MEP1B: variants seen among roughly 807,000 people sequenced by gnomAD.
MEP1B encodes meprin A subunit beta.
A neutral mutation model predicts 84.6 loss-of-function variants in MEP1B; 80 were observed. The ratio of observed to expected loss-of-function variants is 0.95; its 90% CI spans 0.79 to 1.14. MEP1B has a LOEUF of 1.14. Among genes scored for constraint, MEP1B ranks in the 50% most tolerant of loss-of-function variants. The pLI, the probability that MEP1B is intolerant of heterozygous loss-of-function variation, is 0.00. For synonymous variants in MEP1B, 273 were observed against 288.1 expected, an observed-to-expected ratio of 0.95 and a Z score of 0.53; for missense variants, 766 against 855.1, an observed-to-expected ratio of 0.90 and a Z score of 1.30.
Position 32,220,266 on chromosome 18 carries a change from C to G in MEP1B, c.*21C>G, listed in dbSNP as rs956525574. ...TTTGAAGATTAACTCGACAATATGG[C>G]CAGCTAATGAAATTAAAAAGGATTC... is the stretch of plus-strand genomic sequence containing the variant. On this transcript the variant is annotated 3_prime_UTR_variant, in exon 15 of 15. Coordinates refer to ENST00000269202, the MANE Select transcript of MEP1B (RefSeq NM_005925.3). The G allele has an allele frequency of 1.9e-6, 3 of 1,605,160 alleles. No homozygotes were observed. The African/African-American group carries it at 4.0e-5, about 21-fold the overall frequency.
At chr18:32,192,343 CT>C (rs1279008152) in intron 2 of MEP1B, among the ~76,000 whole-genome samples, 4 of 152,076 alleles carry the variant, frequency 2.6e-5, no homozygotes, top group Non-Finnish European at 5.9e-5. Flanking sequence ...TTAATCTAGT[CT>C]TCTAGTCTTT....
chr18:32,203,955 G>T (rs2144400946), intron 6 of MEP1B, among the ~76,000 whole-genome samples: 1 of 152,242 alleles, frequency 6.6e-6, no homozygotes, highest in South Asian at 2.1e-4. Context: ...TACCTCCCAT[G>T]AGGTCCCACC....
rs144892316 is a variant in MEP1B, at chr18:32,212,998, A to T, written c.1136-118A>T. ...GAGCTTTGGCAAAACCATACTTCTG[A>T]CCTGTAGAAATAAATCGGTTTTGGA... is the stretch of plus-strand genomic sequence containing the variant. On this transcript the variant is annotated intron_variant, in intron 10 of 14. Transcript: ENST00000269202. 118 of 899,264 alleles carry T rather than the reference A, an allele frequency of 1.3e-4. 1 individual carries two copies. In the East Asian group the frequency reaches 2.9e-3, roughly 22 times the overall value. The allele number at this position is 899,264 out of a possible 1,614,324, so 55.7% of individuals were successfully genotyped here.
chr18:32,199,433 G>T (rs1271711963), intron 5 of MEP1B, among the ~76,000 whole-genome samples: 1 of 152,026 alleles, frequency 6.6e-6, no homozygotes, highest in Non-Finnish European at 1.5e-5. Flanking sequence ...AGGGGGAATT[G>T]GCCAGAAACA....
chr18:32,212,024 T>C (rs9960121), intron 10 of MEP1B, among the ~76,000 whole-genome samples: 4,701 of 148,296 alleles, frequency 0.032, 225 homozygotes, highest in African/African-American at 0.11. Flanking sequence ...GTAAAATATA[T>C]AAAGAATAAT....
chr18:32,198,575 A>T (rs971792531), intron 5 of MEP1B, among the ~76,000 whole-genome samples: 7 of 152,196 alleles, frequency 4.6e-5, no homozygotes, highest in Non-Finnish European at 7.3e-5. Context: ...AGCCAGATGC[A>T]TCACGATCTG....
intron 9 of MEP1B, among the ~76,000 whole-genome samples, chr18:32,209,438 G>C (rs2041000067): frequency 6.7e-6 from 1 of 148,356 alleles, no homozygotes; most frequent in South Asian, 2.1e-4. Flanking sequence ...AGTGAGCTGA[G>C]ATCATACCAT....
Position 32,213,139 on chromosome 18 carries a change from C to A in MEP1B, c.1159C>A (p.Leu387Ile), listed in dbSNP as rs757809380. 25 of 1,613,550 alleles carry A rather than the reference C, an allele frequency of 1.5e-5. No individual in the cohort carries two copies. Among genetic ancestry groups the A allele is most frequent in the Middle Eastern group, 1.6e-4 (1 of 6,084 alleles). ...AGAAATACCCACTGGGAGCTGGCAA[C>A]TTTATCATGTAACATTGAAAGTGAC... Reference protein sequence around the residue: ...IKEIPTGSWQLYHVTLKVTKK... With the variant: ...IKEIPTGSWQIYHVTLKVTKK... Residue 387 changes from leucine (L) to isoleucine (I), a missense_variant, in exon 11 of 15, where the codon CTT becomes ATT. Physicochemically the swap from Leu to Ile is conservative, Grantham distance 5. Transcript: ENST00000269202.
Position 32,213,361 on chromosome 18 carries a change from T to G in MEP1B, c.1381T>G (p.Phe461Val). The G allele has an allele frequency of 6.2e-7, 1 of 1,613,922 alleles. No homozygotes were observed. The highest frequency in any genetic ancestry group is 8.5e-7 in the Non-Finnish European group (1 of 1,179,832). ...PPFYSSKGYAFQIYLNLAHVT... is the reference protein window; with the variant it reads ...PPFYSSKGYAVQIYLNLAHVT... ...ATTTTACTCTTCTAAAGGTTATGCCTTTCAGATTTACTTAAATCTAGCCCA... is the reference window on the plus strand; with the variant it reads ...ATTTTACTCTTCTAAAGGTTATGCCGTTCAGATTTACTTAAATCTAGCCCA... Residue 461 changes from phenylalanine (F) to valine (V), a missense_variant, in exon 11 of 15, where the codon TTT becomes GTT. By Grantham distance (50) the Phe-to-Val change is conservative. Coordinates refer to ENST00000269202, the MANE Select transcript of MEP1B (RefSeq NM_005925.3).
intron 9 of MEP1B, 69 bp downstream of exon 9, chr18:32,208,340 A>G (rs1157102352): frequency 1.6e-5 from 22 of 1,373,302 alleles, no homozygotes; most frequent in Non-Finnish European, 1.8e-5. Context: ...CTATGAAAGA[A>G]TGGGATTTTA....
intron 9 of MEP1B, among the ~76,000 whole-genome samples, chr18:32,210,109 C>G (rs1269654539): frequency 6.6e-6 from 1 of 152,200 alleles, no homozygotes; most frequent in Non-Finnish European, 1.5e-5. Flanking sequence ...TGAAAGGTGT[C>G]CCATGTAGAA....
chr18:32,199,622 T>C (rs947277397), intron 5 of MEP1B, among the ~76,000 whole-genome samples: 1 of 152,000 alleles, frequency 6.6e-6, no homozygotes, highest in Non-Finnish European at 1.5e-5. Flanking sequence ...GATTAAAAAA[T>C]TTTTAAGTTC....
chr18:32,190,176 C>T, intron 1 of MEP1B, 43 bp downstream of exon 1: 1 of 1,406,330 alleles, frequency 7.1e-7, no homozygotes. Context: ...AATTTTGGGG[C>T]AGTTGATATT....
In MEP1B at chr18:32,196,363, G is replaced by T. The variant is rs761526642; in HGVS notation, c.250+878G>T. 9.4e-5 allele frequency: 66 copies of T among 701,286 alleles called. No homozygotes were observed. The highest frequency in any genetic ancestry group is 1.6e-4 in the Non-Finnish European group (59 of 377,234). 43.4% of individuals were successfully genotyped at this position (701,286 alleles called of 1,614,324 possible). ...GCGCCGCAGGGCCACGGCCAGCTGG[G>T]TCAGGCACTTGAGGTACTCAGAGCT... On this transcript the variant is annotated intron_variant, in intron 5 of 14. Transcript: ENST00000269202. The surrounding 1 kb of genome is among the most constrained non-coding windows in gnomAD (Gnocchi z 4.4).
chr18:32,220,122 A>C (rs2041135380), intron 14 of MEP1B, 109 bp from the exon 15 acceptor site: 2 of 1,015,772 alleles, frequency 2.0e-6, no homozygotes, highest in South Asian at 1.5e-5. Context: ...AGGCCAGGAG[A>C]CTGCTGATGG....
intron 14 of MEP1B, among the ~76,000 whole-genome samples, chr18:32,219,278 G>A (rs1282440607): frequency 5.9e-5 from 9 of 152,264 alleles, no homozygotes; most frequent in Non-Finnish European, 7.3e-5. Flanking sequence ...TTGTATTATC[G>A]TAGGCTGTTG....
chr18:32,196,382 C>CA lies in MEP1B; in HGVS notation c.250+898dup. 1 of 699,680 alleles carries CA rather than the reference C, an allele frequency of 1.4e-6. No individual in the cohort carries two copies. The highest frequency in any genetic ancestry group is 1.5e-5 in the South Asian group (1 of 67,456). 43.3% of individuals were successfully genotyped at this position (699,680 alleles called of 1,614,324 possible). A position where few individuals can be genotyped will look rare whatever the true frequency, so the allele number is the denominator to read the frequency against. Reference sequence around the variant, plus strand: ...AGCTGGGTCAGGCACTTGAGGTACTCAGAGCTCTCCTTGGTCTTCTCCTGG... The same window carrying CA: ...AGCTGGGTCAGGCACTTGAGGTACTCAAGAGCTCTCCTTGGTCTTCTCCTGG... On this transcript the variant is annotated intron_variant, in intron 5 of 14. Transcript: ENST00000269202. This position sits in a 1 kb window ranked among gnomAD's most constrained non-coding sequence, Gnocchi z 4.4.
intron 9 of MEP1B, among the ~76,000 whole-genome samples, chr18:32,209,027 C>T (rs971072993): frequency 6.6e-6 from 1 of 152,184 alleles, no homozygotes; most frequent in Non-Finnish European, 1.5e-5. Flanking sequence ...AGAATCCAGA[C>T]CAGGTAGCTC....
chr18:32,205,488 C>T (rs1206994509), intron 7 of MEP1B, among the ~76,000 whole-genome samples: 3 of 152,154 alleles, frequency 2.0e-5, no homozygotes, highest in South Asian at 2.1e-4. Flanking sequence ...CTTTATCCCC[C>T]GACTCTGCTT....
Sources: allele counts gnomAD v4.1 joint callset (sites outside exome capture counted in the v4.1 genomes callset), GRCh38; gene constraint gnomAD v4.1.1; non-coding constraint Gnocchi (gnomAD v3.1); transcripts MANE v1.5; gene names NCBI Gene and HGNC (gene_info 2026-07-23, HGNC 2026-07-21).